Variants in AFF3 observed in about 807,000 individuals in gnomAD.
The protein encoded by AFF3 is AF4/FMR2 family member 3.
AFF3 carries 32 observed loss-of-function variants against 129.7 expected under a neutral mutation model. That is an observed-to-expected ratio of 0.25 (90% CI 0.19 to 0.33). AFF3 has a LOEUF of 0.33. AFF3 is among the 10% of genes least tolerant of loss of function. The pLI is 1.00. For synonymous variants in AFF3, 644 were observed against 635.4 expected (o/e 1.01, Z -0.20); for missense variants, 1,373 against 1,592.0 (o/e 0.86, Z 2.34).
chr2:99,791,776 G>C (rs914612817), intron 8 of AFF3, among the ~76,000 whole-genome samples: 10 of 150,634 alleles, frequency 6.6e-5, no homozygotes, highest in African/African-American at 2.4e-4. Flanking sequence ...CTTTCCTACT[G>C]TCCTTTTTGT....
intron 8 of AFF3, among the ~76,000 whole-genome samples, chr2:99,777,947 C>CAAAAAAAAAAAAAAA (rs576434643): frequency 2.1e-4 from 10 of 48,340 alleles, no homozygotes; most frequent in South Asian, 1.3e-3. Flanking sequence ...AAAGCAAAAG[C>CAAAAAAAAAAAAAAA]AAAAAAAAAA....
chr2:99,797,331 A>G (rs1685622090), intron 8 of AFF3, among the ~76,000 whole-genome samples: 1 of 152,142 alleles, frequency 6.6e-6, no homozygotes, highest in African/African-American at 2.4e-5. Context: ...TTAATGGTAG[A>G]ATAGAGATTG....
chr2:99,884,382 C>T (rs866492391), intron 7 of AFF3, among the ~76,000 whole-genome samples: 9 of 152,108 alleles, frequency 5.9e-5, no homozygotes, highest in Non-Finnish European at 8.8e-5. Flanking sequence ...ATAGTTACCA[C>T]GCTTATTTGC....
Position 100,007,333 on chromosome 2 carries a change from G to A in AFF3, c.302C>T (p.Pro101Leu). 1.2e-6 allele frequency: 2 copies of A among 1,614,130 alleles called. No homozygotes were observed. Among genetic ancestry groups the A allele is most frequent in the Non-Finnish European group, 8.5e-7 (1 of 1,180,030 alleles). Residue 101 changes from proline to leucine, a missense_variant, in exon 6 of 25, where the codon CCT becomes CTT. This residue lies in a region of AFF3 where 255 missense variants were observed against 256.0 expected (regional missense o/e 1.00). Coordinates refer to ENST00000672756, the MANE Select transcript of AFF3 (RefSeq NM_001386135.1). ...HLVGVPKPGV[P>L]QTPVNKIDEH... ...ATCGATCTTGTTCACAGGAGTCTGA[G>A]GAACCCCAGGTTTGGGAACTCCAAC...
At chr2:99,672,494 C>T (rs772629243) in intron 12 of AFF3, 44 bp downstream of exon 12, 1 of 1,584,122 alleles carries the variant, frequency 6.3e-7, no homozygotes, top group Non-Finnish European at 8.7e-7. Context: ...GTAACTGTTA[C>T]CAGTGTCACC....
intron 8 of AFF3, among the ~76,000 whole-genome samples, chr2:99,793,929 T>C (rs1190305668): frequency 1.3e-5 from 2 of 152,228 alleles, no homozygotes; most frequent in African/African-American, 4.8e-5. Flanking sequence ...TAAGATTTCC[T>C]TGAAGAACTG....
At chr2:99,891,258 C>T (rs1405198679) in intron 7 of AFF3, among the ~76,000 whole-genome samples, 1 of 151,906 alleles carries the variant, frequency 6.6e-6, no homozygotes, top group Non-Finnish European at 1.5e-5. Context: ...GAGACAGGGG[C>T]CCAGAGTGTG....
intron 18 of AFF3, among the ~76,000 whole-genome samples, chr2:99,576,004 G>C (rs1203157880): frequency 6.6e-6 from 1 of 151,884 alleles, no homozygotes; most frequent in Admixed American, 6.6e-5. Flanking sequence ...GAGGCCAGGA[G>C]TTCGAGACCA....
intron 7 of AFF3, among the ~76,000 whole-genome samples, chr2:99,939,757 T>C (rs2106336485): frequency 6.6e-6 from 1 of 152,356 alleles, no homozygotes; most frequent in Admixed American, 6.5e-5. Flanking sequence ...GCTGGATTAG[T>C]GGAACACTTT....
At chr2:99,796,279 T>C (rs1685550486) in intron 8 of AFF3, among the ~76,000 whole-genome samples, 1 of 152,224 alleles carries the variant, frequency 6.6e-6, no homozygotes, top group African/African-American at 2.4e-5. Flanking sequence ...TAGCACCCAC[T>C]GCAACTGACA....
At chr2:99,753,459 C>T (rs116274717) in intron 8 of AFF3, among the ~76,000 whole-genome samples, 1,875 of 152,222 alleles carry the variant, frequency 0.012, 41 homozygotes, top group African/African-American at 0.043. Context: ...AAGCAGTGGT[C>T]GATCCATTTT....
intron 8 of AFF3, among the ~76,000 whole-genome samples, chr2:99,830,799 C>G (rs541537771): frequency 6.6e-6 from 1 of 152,318 alleles, no homozygotes; most frequent in South Asian, 2.1e-4. Context: ...GACCTGCTCA[C>G]CTAGTGCTTT....
At chr2:99,654,288 A>C (rs1331884354) in intron 12 of AFF3, among the ~76,000 whole-genome samples, 2 of 152,218 alleles carry the variant, frequency 1.3e-5, no homozygotes, top group African/African-American at 4.8e-5. Context: ...AAAGAAGAGG[A>C]GTATATGTCA....
In AFF3 at chr2:99,587,270, G is replaced by A. The variant is rs549276799; in HGVS notation, c.2475C>T (p.Asn825=). Residue 825 remains asparagine, a synonymous_variant, in exon 16 of 25, where the codon AAC becomes AAT. Transcript: ENST00000672756. ...TCTTGATCTCCCTGTAGTCGTCTTC[G>A]TTGTCACACTGTATGGGAATAAACT... ...PKSKRKRKCD[N]EDDYREIKKS... The A allele has an allele frequency of 1.5e-5, 24 of 1,613,932 alleles. No individual in the cohort carries two copies. Among genetic ancestry groups the A allele is most frequent in the East Asian group, 4.5e-5 (2 of 44,888 alleles).
At chr2:99,813,382 G>A (rs1002302140) in intron 8 of AFF3, among the ~76,000 whole-genome samples, 1 of 152,196 alleles carries the variant, frequency 6.6e-6, no homozygotes, top group African/African-American at 2.4e-5. Context: ...TCTTTAAGTA[G>A]TAGTACTGGG....
chr2:100,019,326 T>A (rs745603667), intron 4 of AFF3, among the ~76,000 whole-genome samples: 14 of 152,168 alleles, frequency 9.2e-5, no homozygotes, highest in Non-Finnish European at 1.5e-4. Context: ...TGCTATCCAT[T>A]GAACTGAATC....
chr2:99,769,891 G>A (rs1196994451), intron 8 of AFF3, among the ~76,000 whole-genome samples: 2 of 152,232 alleles, frequency 1.3e-5, no homozygotes, highest in African/African-American at 2.4e-5. Context: ...GGCTGGGGGT[G>A]GGGTGACATA....
chr2:99,922,896 C>T (rs1695951311), intron 7 of AFF3, among the ~76,000 whole-genome samples: 2 of 152,138 alleles, frequency 1.3e-5, no homozygotes, highest in South Asian at 4.2e-4. Context: ...TCTACCCAGC[C>T]TTTTGGAGCT....
chr2:100,029,203 A>G (rs903449549), intron 4 of AFF3, among the ~76,000 whole-genome samples: 16 of 152,150 alleles, frequency 1.1e-4, no homozygotes, highest in African/African-American at 3.9e-4. Flanking sequence ...CAGGGTCCCT[A>G]AAGAGGTGTT....
Sources: allele counts gnomAD v4.1 joint callset (sites outside exome capture counted in the v4.1 genomes callset), GRCh38; gene constraint gnomAD v4.1.1; regional missense constraint gnomAD v4.1.1; transcripts MANE v1.5; gene names NCBI Gene and HGNC (gene_info 2026-07-23, HGNC 2026-07-21).